The following KLRG2 variants were observed in gnomAD, a reference collection of about 807,000 sequenced individuals.
The protein encoded by KLRG2 is killer cell lectin like receptor G2.
Under a neutral mutation model 35.4 loss-of-function variants are expected in KLRG2, and 39 were observed. That is an observed-to-expected ratio of 1.10 (90% CI 0.85 to 1.44). The LOEUF (loss-of-function observed/expected upper bound fraction) is 1.44, where lower values mean the gene tolerates loss of function less well. KLRG2 is among the 40% of genes most tolerant of loss of function. The probability of loss-of-function intolerance (pLI) is 0.00; values close to 1 mark genes in which losing one functional copy is unlikely to be tolerated. For missense variants in KLRG2, 632 were observed against 570.9 expected (o/e 1.11, Z -1.09); for synonymous variants, 283 against 265.8 (o/e 1.06, Z -0.63).
downstream of KLRG2, chr7:139,452,548 G>T (rs560802070): frequency 6.6e-6 from 1 of 152,212 alleles, no homozygotes; most frequent in Non-Finnish European, 1.5e-5. Flanking sequence ...GCACCAATAA[G>T]GATTTCTGTT....
intron 1 of KLRG2, among the ~76,000 whole-genome samples, chr7:139,481,222 C>G (rs531388824): frequency 1.3e-5 from 2 of 152,214 alleles, no homozygotes; most frequent in East Asian, 3.9e-4. Flanking sequence ...GGAATGCAGC[C>G]CCACTGAAAA....
At chr7:139,434,922 C>T in the KLRG2 span, among the ~76,000 whole-genome samples, 2 of 152,204 alleles carry the variant, frequency 1.3e-5, no homozygotes, top group African/African-American at 4.8e-5. Context: ...TCCACATCAT[C>T]TCTTCGTCCT....
chr7:139,476,126 G>C (rs764103613), intron 3 of KLRG2, among the ~76,000 whole-genome samples: 7 of 152,186 alleles, frequency 4.6e-5, no homozygotes, highest in Non-Finnish European at 7.3e-5. Context: ...ATTGAGGCCA[G>C]GCACGGTGGC....
intron 3 of KLRG2, among the ~76,000 whole-genome samples, chr7:139,470,836 C>T (rs1283462562): frequency 6.6e-6 from 1 of 150,980 alleles, no homozygotes; most frequent in Non-Finnish European, 1.5e-5. Flanking sequence ...GGAAACAGCA[C>T]ATTCCTTTTT....
At chr7:139,457,371 G>A (rs10441417) in intron 3 of KLRG2, among the ~76,000 whole-genome samples, 56,039 of 152,050 alleles carry the variant, frequency 0.37, 13,484 homozygotes, top group African/African-American at 0.69. Flanking sequence ...TGCCTCTTCC[G>A]GGGCTGAGAT....
At chr7:139,455,700 G>A (rs147962428) in intron 3 of KLRG2, among the ~76,000 whole-genome samples, 9 of 152,250 alleles carry the variant, frequency 5.9e-5, no homozygotes, top group African/African-American at 1.4e-4. Context: ...CAGTGATGCC[G>A]GCACGGCCCG....
the KLRG2 span, among the ~76,000 whole-genome samples, chr7:139,445,775 A>ATGTG: frequency 4.3e-5 from 4 of 91,958 alleles, no homozygotes; most frequent in African/African-American, 2.3e-4. Context: ...ATGTATATAT[A>ATGTG]TATATGTATA....
intron 3 of KLRG2, among the ~76,000 whole-genome samples, chr7:139,477,503 A>C (rs552568577): frequency 6.6e-6 from 1 of 152,274 alleles, no homozygotes; most frequent in African/African-American, 2.4e-5. Flanking sequence ...GTGCGATTCC[A>C]CTTGTATGAG....
chr7:139,442,373 C>T, the KLRG2 span, among the ~76,000 whole-genome samples: 5 of 152,328 alleles, frequency 3.3e-5, no homozygotes, highest in East Asian at 9.6e-4. Context: ...ATAGCCCAGG[C>T]CCTTCAACTC....
At chr7:139,480,468 CAG>C (rs1796937584) in intron 1 of KLRG2, among the ~76,000 whole-genome samples, 3 of 100,696 alleles carry the variant, frequency 3.0e-5, no homozygotes, top group African/African-American at 4.3e-5. Flanking sequence ...TTTTTGGAGA[CAG>C]AGTCTTGCTT....
At chr7:139,480,108 G>T in intron 2 of KLRG2, 38 bp downstream of exon 2, 1 of 1,327,284 alleles carries the variant, frequency 7.5e-7, no homozygotes, top group Non-Finnish European at 1.1e-6. Flanking sequence ...GTAGTGGAGC[G>T]GCAGGGAGAG....
At chr7:139,429,011 T>C in the KLRG2 span, among the ~76,000 whole-genome samples, 2 of 152,198 alleles carry the variant, frequency 1.3e-5, no homozygotes, top group Non-Finnish European at 2.9e-5. Context: ...AACTCTTAGA[T>C]TTTCCATTTA....
intron 3 of KLRG2, among the ~76,000 whole-genome samples, chr7:139,455,211 T>C (rs912716814): frequency 1.3e-5 from 2 of 151,674 alleles, no homozygotes; most frequent in South Asian, 4.2e-4. Flanking sequence ...TAGGGAAGGG[T>C]TTTGCCGTGT....
intron 3 of KLRG2, among the ~76,000 whole-genome samples, chr7:139,471,553 C>G (rs961551345): frequency 1.3e-5 from 2 of 151,966 alleles, no homozygotes; most frequent in African/African-American, 4.8e-5. Context: ...CCCAGCTACT[C>G]GGAAGGCTGA....
At chr7:139,453,903 G>T (rs1041567510) in intron 4 of KLRG2, among the ~76,000 whole-genome samples, 196 bp from the exon 5 acceptor site, 1 of 152,168 alleles carries the variant, frequency 6.6e-6, no homozygotes, top group African/African-American at 2.4e-5. Flanking sequence ...CTGTAAAATG[G>T]GGGTGACAAC....
At chr7:139,467,190 T>C (rs10269529) in intron 3 of KLRG2, among the ~76,000 whole-genome samples, 16,502 of 152,040 alleles carry the variant, frequency 0.11, 1,057 homozygotes, top group Middle Eastern at 0.19. Context: ...CTGAGAAACA[T>C]CGCCCATTAT....
chr7:139,454,833 ATAATAATAATAATAAT>A, intron 3 of KLRG2, among the ~76,000 whole-genome samples: 1 of 75,460 alleles, frequency 1.3e-5, no homozygotes, highest in Middle Eastern at 7.5e-3. Flanking sequence ...AATAATAATA[ATAATAATAATAATAAT>A]AATAATAATA....
intron 1 of KLRG2, among the ~76,000 whole-genome samples, chr7:139,481,928 TAAAAAAAAAA>T (rs1156846043): frequency 6.9e-6 from 1 of 145,930 alleles, no homozygotes; most frequent in Non-Finnish European, 1.5e-5. Flanking sequence ...ACTTATTTCT[TAAAAAAAAAA>T]GAAAGAAAAA....
intron 3 of KLRG2, among the ~76,000 whole-genome samples, chr7:139,456,526 C>T (rs536620796): frequency 8.3e-4 from 126 of 152,212 alleles, no homozygotes; most frequent in African/African-American, 2.8e-3. Context: ...CCATGACGCC[C>T]AATTTAGTAG....
Sources: allele counts gnomAD v4.1 joint callset (sites outside exome capture counted in the v4.1 genomes callset), GRCh38; gene constraint gnomAD v4.1.1; transcripts MANE v1.5; gene names NCBI Gene and HGNC (gene_info 2026-07-23, HGNC 2026-07-21).